UHRF2: variants seen among roughly 807,000 people sequenced by gnomAD.
The protein encoded by UHRF2 is E3 ubiquitin-protein ligase UHRF2.
In UHRF2, 23 loss-of-function variants were observed where a neutral mutation model predicts 96.8. The observed-to-expected ratio is 0.24, with a 90% confidence interval of 0.17 to 0.34. UHRF2 has a LOEUF of 0.34. UHRF2 is among the 10% of genes least tolerant of loss of function. The probability of loss-of-function intolerance (pLI) is 1.00; values close to 1 mark genes in which losing one functional copy is unlikely to be tolerated. For missense variants in UHRF2, 685 were observed against 981.5 expected, an observed-to-expected ratio of 0.70 and a Z score of 4.04; for synonymous variants, 385 against 332.6, an observed-to-expected ratio of 1.16 and a Z score of -1.72.
Position 6,506,442 on chromosome 9 carries a change from A to G in UHRF2, c.*263A>G, listed in dbSNP as rs1363809807. The G allele has an allele frequency of 2.5e-5, 7 of 280,720 alleles. No individual in the cohort carries two copies. Among genetic ancestry groups the G allele is most frequent in the African/African-American group, 4.4e-5 (2 of 45,700 alleles). 17.4% of individuals were successfully genotyped at this position (280,720 alleles called of 1,614,324 possible). ...CTCAGCTCTAGTTGATATCCAAGTT[A>G]TGATTTATTTTGCAACTACCTCAGG... is the stretch of plus-strand genomic sequence containing the variant. On this transcript the variant is annotated 3_prime_UTR_variant, in exon 16 of 16. Transcript: ENST00000276893.
At chr9:6,495,105 A>G (rs1031575925) in intron 10 of UHRF2, 1 of 152,218 alleles carries the variant, frequency 6.6e-6, no homozygotes, top group Admixed American at 6.5e-5. Context: ...TCAAGTTGTC[A>G]AATCTGAAAA....
chr9:6,491,144 G>C (rs925040438), intron 9 of UHRF2, among the ~76,000 whole-genome samples: 1 of 152,202 alleles, frequency 6.6e-6, no homozygotes. Flanking sequence ...CTTCTGAGAA[G>C]TGAGGACCCA....
At chr9:6,479,856 C>T (rs1398099172) in intron 6 of UHRF2, among the ~76,000 whole-genome samples, 1 of 152,164 alleles carries the variant, frequency 6.6e-6, no homozygotes, top group African/African-American at 2.4e-5. Flanking sequence ...CCATTCTCAC[C>T]TCCCAGCCCA....
intron 4 of UHRF2, among the ~76,000 whole-genome samples, chr9:6,466,170 G>C (rs1220210936): frequency 6.6e-6 from 1 of 152,158 alleles, no homozygotes; most frequent in Non-Finnish European, 1.5e-5. Context: ...GGAGGCCAAG[G>C]TGGGCGGATC....
Position 6,481,759 on chromosome 9 carries a change from G to C in UHRF2, c.1277G>C (p.Trp426Ser). ...PSASTESRRDWGRGMACVGRT... is the reference protein window; with the variant it reads ...PSASTESRRDSGRGMACVGRT... ...GCTAGTACTGAAAGCCGAAGAGACT[G>C]GGGCAGGGTAAAGAAGAAATTCCCC... is the stretch of plus-strand genomic sequence containing the variant. Residue 426 changes from tryptophan to serine, a missense_variant, in exon 7 of 16, where the codon TGG (tryptophan) becomes TCG (serine). Physicochemically the swap from Trp to Ser is radical, Grantham distance 177 (BLOSUM62 -3). Transcript: ENST00000276893. 6.2e-7 allele frequency: 1 copy of C among 1,608,168 alleles called. No individual in the cohort carries two copies.
At chr9:6,466,175 C>T (rs1318394121) in intron 4 of UHRF2, among the ~76,000 whole-genome samples, 2 of 152,032 alleles carry the variant, frequency 1.3e-5, no homozygotes, top group South Asian at 2.1e-4. Flanking sequence ...CCAAGGTGGG[C>T]GGATCAGTTG....
At chr9:6,469,905 G>C (rs373738585) in intron 4 of UHRF2, among the ~76,000 whole-genome samples, 1 of 151,838 alleles carries the variant, frequency 6.6e-6, no homozygotes, top group Non-Finnish European at 1.5e-5. Context: ...TACAAGTTCA[G>C]GTCAAAGAAG....
At chr9:6,420,555 A>AG (rs2130719644) in intron 1 of UHRF2, among the ~76,000 whole-genome samples, 1 of 151,980 alleles carries the variant, frequency 6.6e-6, no homozygotes, top group South Asian at 2.1e-4. Flanking sequence ...ACAAAAAAAA[A>AG]TTAGCCGGGC....
chr9:6,481,051 T>C (rs1216425470), intron 6 of UHRF2, among the ~76,000 whole-genome samples: 1 of 152,202 alleles, frequency 6.6e-6, no homozygotes, highest in Non-Finnish European at 1.5e-5. Flanking sequence ...TGTAGACGTA[T>C]ACCTTGCTTT....
chr9:6,504,564 T>C (rs757987892), intron 14 of UHRF2, 29 bp from the exon 15 acceptor site: 4 of 1,548,568 alleles, frequency 2.6e-6, no homozygotes, highest in Admixed American at 3.5e-5. Context: ...TGCTAACTTT[T>C]CTTTCCTTAT....
At chr9:6,469,899 A>G (rs1278866528) in intron 4 of UHRF2, among the ~76,000 whole-genome samples, 2 of 152,048 alleles carry the variant, frequency 1.3e-5, no homozygotes, top group East Asian at 3.9e-4. Flanking sequence ...TAAAGATACA[A>G]GTTCAGGTCA....
intron 3 of UHRF2, among the ~76,000 whole-genome samples, chr9:6,459,946 C>G (rs768811320): frequency 3.3e-5 from 5 of 152,162 alleles, no homozygotes; most frequent in South Asian, 2.1e-4. Flanking sequence ...GTACTGCAGC[C>G]TAGGTGGCAG....
chr9:6,461,641 G>A (rs1822550779), intron 4 of UHRF2, among the ~76,000 whole-genome samples: 1 of 151,818 alleles, frequency 6.6e-6, no homozygotes, highest in African/African-American at 2.4e-5. Flanking sequence ...CAAAGTGTTG[G>A]GATTACAGGT....
intron 14 of UHRF2, among the ~76,000 whole-genome samples, chr9:6,503,881 A>T (rs887566440): frequency 2.6e-5 from 4 of 152,078 alleles, no homozygotes; most frequent in Non-Finnish European, 5.9e-5. Flanking sequence ...TTAACATCAT[A>T]TATTGACTTT....
intron 3 of UHRF2, among the ~76,000 whole-genome samples, chr9:6,447,160 A>G (rs1026228878): frequency 6.6e-6 from 1 of 152,166 alleles, no homozygotes; most frequent in Non-Finnish European, 1.5e-5. Context: ...AAGTGCTGGG[A>G]TTACAGGCAT....
intron 5 of UHRF2, among the ~76,000 whole-genome samples, chr9:6,476,037 C>T (rs1823551172): frequency 6.6e-6 from 1 of 152,152 alleles, no homozygotes; most frequent in Non-Finnish European, 1.5e-5. Flanking sequence ...CCCTGTCCCA[C>T]TTCCCTTCCC....
intron 3 of UHRF2, among the ~76,000 whole-genome samples, chr9:6,438,685 A>G (rs573179835): frequency 2.0e-5 from 3 of 152,322 alleles, no homozygotes; most frequent in South Asian, 4.1e-4. Context: ...GGGGTATGCA[A>G]TGTTTGTCAG....
At chr9:6,470,388 AAAT>A (rs1375417632) in intron 4 of UHRF2, among the ~76,000 whole-genome samples, 1 of 152,116 alleles carries the variant, frequency 6.6e-6, no homozygotes, top group Non-Finnish European at 1.5e-5. Flanking sequence ...TCCCAACTTA[AAAT>A]ATCTTTTTCA....
chr9:6,457,674 A>G (rs1040198717), intron 3 of UHRF2, among the ~76,000 whole-genome samples: 1 of 152,218 alleles, frequency 6.6e-6, no homozygotes, highest in Non-Finnish European at 1.5e-5. Context: ...ATTTTGAGAT[A>G]CATTCCATCA....
Sources: allele counts gnomAD v4.1 joint callset (sites outside exome capture counted in the v4.1 genomes callset), GRCh38; gene constraint gnomAD v4.1.1; transcripts MANE v1.5; gene names NCBI Gene and HGNC (gene_info 2026-07-23, HGNC 2026-07-21).